Variants in GPHN observed in about 807,000 individuals in gnomAD.
GPHN encodes the protein gephyrin.
A neutral mutation model predicts 95.5 loss-of-function variants in GPHN; 17 were observed. The ratio of observed to expected loss-of-function variants is 0.18; its 90% CI spans 0.12 to 0.27. The LOEUF (loss-of-function observed/expected upper bound fraction) is 0.27. GPHN is among the 10% of genes least tolerant of loss of function. GPHN has a pLI of 1.00. For synonymous variants in GPHN, 320 were observed against 322.5 expected (o/e 0.99, Z 0.08); for missense variants, 660 against 978.1 (o/e 0.67, Z 4.34).
At chr14:67,475,603 G>T in the GPHN span, among the ~76,000 whole-genome samples, 2 of 152,148 alleles carry the variant, frequency 1.3e-5, no homozygotes, top group East Asian at 1.9e-4. Context: ...GGTGTGAGGT[G>T]GTTCTCTCAT....
the GPHN span, among the ~76,000 whole-genome samples, chr14:67,686,694 T>C: frequency 6.6e-6 from 1 of 151,858 alleles, no homozygotes. Context: ...AATGATACTT[T>C]TGCACATGCT....
chr14:67,277,254 G>A, the GPHN span, among the ~76,000 whole-genome samples: 3 of 152,072 alleles, frequency 2.0e-5, no homozygotes, highest in African/African-American at 7.2e-5. Flanking sequence ...GTAGATCACA[G>A]TTAGAAAGAA....
the GPHN span, among the ~76,000 whole-genome samples, chr14:67,395,059 CTGTTA>C: frequency 6.6e-6 from 1 of 152,120 alleles, no homozygotes; most frequent in Non-Finnish European, 1.5e-5. Context: ...TTCAGGTATT[CTGTTA>C]TAAGTAACAG....
chr14:67,417,516 C>T, the GPHN span, among the ~76,000 whole-genome samples: 2 of 151,934 alleles, frequency 1.3e-5, no homozygotes, highest in African/African-American at 4.8e-5. Context: ...ACTGCAGCCT[C>T]CACCTCCCAG....
At chr14:66,760,163 A>C (rs1335084545) in intron 2 of GPHN, among the ~76,000 whole-genome samples, 7 of 152,204 alleles carry the variant, frequency 4.6e-5, no homozygotes, top group Admixed American at 4.6e-4. Flanking sequence ...GAATACAATT[A>C]CTATATGTGT....
chr14:66,835,172 G>A (rs1170015921), intron 4 of GPHN, among the ~76,000 whole-genome samples: 1 of 149,640 alleles, frequency 6.7e-6, no homozygotes. Flanking sequence ...CTTGCTAGCG[G>A]TCTATCAATT....
chr14:66,625,292 C>G (rs922529546), intron 1 of GPHN, among the ~76,000 whole-genome samples: 1 of 152,104 alleles, frequency 6.6e-6, no homozygotes, highest in Non-Finnish European at 1.5e-5. Context: ...CCAAGGGTCT[C>G]GAACTCCTGG....
intron 1 of GPHN, chr14:66,508,996 G>A (rs1200363329): frequency 2.3e-5 from 6 of 261,944 alleles, no homozygotes; most frequent in Middle Eastern, 1.3e-3. Context: ...CAGAGAGAGG[G>A]GGGAATCCCA....
chr14:67,587,250 C>T, the GPHN span: 35 of 1,613,076 alleles, frequency 2.2e-5, no homozygotes, highest in Non-Finnish European at 2.7e-5. Context: ...TTCTCCTACC[C>T]GATTCCCCAA....
At chr14:67,187,014 C>T in the GPHN span, among the ~76,000 whole-genome samples, 5 of 152,096 alleles carry the variant, frequency 3.3e-5, no homozygotes, top group East Asian at 7.7e-4. Context: ...AAGAATGCAA[C>T]GTCAGGAAGG....
intron 18 of GPHN, among the ~76,000 whole-genome samples, chr14:67,143,779 TC>T (rs992560512): frequency 2.0e-4 from 31 of 152,098 alleles, no homozygotes; most frequent in Admixed American, 1.5e-3. Flanking sequence ...AACTCTAAGA[TC>T]CTTCCTTCTA....
chr14:67,347,325 C>T, the GPHN span: 2 of 1,098,920 alleles, frequency 1.8e-6, no homozygotes, highest in Non-Finnish European at 2.7e-6. Context: ...CAACATCTAG[C>T]ACCATTTTCC....
the GPHN span, chr14:67,646,488 A>G: frequency 8.9e-5 from 52 of 581,694 alleles, no homozygotes; most frequent in Middle Eastern, 2.1e-3. Flanking sequence ...ACCTTGTGTC[A>G]CTTCTCCTTC....
chr14:67,661,467 A>G, the GPHN span, among the ~76,000 whole-genome samples: 7 of 151,080 alleles, frequency 4.6e-5, no homozygotes, highest in African/African-American at 1.7e-4. Flanking sequence ...AGAAAGGGAC[A>G]TGGTTAGAAT....
At position 67,063,997 on chromosome 14, in the gene GPHN, C is replaced by T. The variant is rs143872361; in HGVS notation, c.1144+5211C>T. Among the ~76,000 whole-genome samples, 223 of 152,236 alleles carry T rather than the reference C, an allele frequency of 1.5e-3. 1 individual carries two copies. Among genetic ancestry groups the T allele is most frequent in the African/African-American group, 5.3e-3 (221 of 41,526 alleles). On this transcript the variant is annotated intron_variant, in intron 11 of 22. Coordinates refer to ENST00000478722, the MANE Select transcript of GPHN (RefSeq NM_020806.5). ...GAATAGGAGTGGTGAGAGAAGACAT[C>T]CTTGTGTTGTGCTGGTTTTCAAAGG... is the stretch of plus-strand genomic sequence containing the variant.
chr14:67,002,448 AT>A (rs1422965728), intron 9 of GPHN, among the ~76,000 whole-genome samples: 2 of 150,818 alleles, frequency 1.3e-5, no homozygotes, highest in African/African-American at 4.9e-5. Flanking sequence ...AAAGAAACAG[AT>A]TTAATCAGCT....
At chr14:67,538,235 A>G in the GPHN span, among the ~76,000 whole-genome samples, 1 of 152,194 alleles carries the variant, frequency 6.6e-6, no homozygotes, top group South Asian at 2.1e-4. Context: ...GATATCTGCT[A>G]CCACTACTGA....
At chr14:67,424,328 A>G in the GPHN span, among the ~76,000 whole-genome samples, 2 of 151,910 alleles carry the variant, frequency 1.3e-5, no homozygotes, top group South Asian at 4.1e-4. Context: ...TTAAGAAAGA[A>G]TGAAGTGTGC....
chr14:67,369,712 T>C, the GPHN span, among the ~76,000 whole-genome samples: 1 of 152,204 alleles, frequency 6.6e-6, no homozygotes, highest in Non-Finnish European at 1.5e-5. Flanking sequence ...TTCCAAATAA[T>C]TCATATATTA....
Sources: gnomAD v4.1 joint callset for allele counts (sites outside exome capture counted in the v4.1 genomes callset) on GRCh38, gnomAD v4.1.1 for gene constraint, MANE v1.5 for transcripts, NCBI Gene and HGNC (gene_info 2026-07-23, HGNC 2026-07-21) for gene names.